The following ATP2B2 variants were observed in gnomAD, a reference collection of about 807,000 sequenced individuals.
ATP2B2 encodes the protein plasma membrane calcium-transporting ATPase 2.
ATP2B2 carries 15 observed loss-of-function variants against 120.0 expected under a neutral mutation model. That is an observed-to-expected ratio of 0.12 (90% confidence interval 0.08 to 0.19). The LOEUF (loss-of-function observed/expected upper bound fraction) is 0.19, where lower values mean the gene tolerates loss of function less well. Ranked by LOEUF, ATP2B2 falls within the 10% of genes least tolerant of loss-of-function variation. The pLI, the probability that ATP2B2 is intolerant of heterozygous loss-of-function variation, is 1.00. For missense variants in ATP2B2, 1,045 were observed against 1,719.8 expected (o/e 0.61, Z 6.94); for synonymous variants, 694 against 700.3 (o/e 0.99, Z 0.14).
At chr3:10,466,329 CGT>C (rs1432459182) in intron 1 of ATP2B2, among the ~76,000 whole-genome samples, 1 of 152,198 alleles carries the variant, frequency 6.6e-6, no homozygotes, top group African/African-American at 2.4e-5. Flanking sequence ...TGCATAGATG[CGT>C]GTCTGTGCAG....
chr3:10,499,373 G>A (rs541400402), intron 1 of ATP2B2, among the ~76,000 whole-genome samples: 3 of 152,292 alleles, frequency 2.0e-5, no homozygotes, highest in East Asian at 3.9e-4. Flanking sequence ...CTTGGTTTAC[G>A]GAGGAGCAAA....
intron 14 of ATP2B2, among the ~76,000 whole-genome samples, chr3:10,355,083 A>G (rs2060677083): frequency 1.3e-5 from 2 of 151,230 alleles, no homozygotes; most frequent in Non-Finnish European, 2.9e-5. Flanking sequence ...TACCTAAAAA[A>G]CAAACAAATA....
chr3:10,350,683 G>A, intron 14 of ATP2B2, 106 bp from the exon 15 acceptor site: 1 of 1,246,672 alleles, frequency 8.0e-7, no homozygotes, highest in Non-Finnish European at 1.1e-6. Context: ...TCTACTGAAA[G>A]GGGACTAGAT....
At chr3:10,407,674 T>C (rs1232329869) in intron 3 of ATP2B2, among the ~76,000 whole-genome samples, 1 of 152,216 alleles carries the variant, frequency 6.6e-6, no homozygotes, top group East Asian at 1.9e-4. Flanking sequence ...CCTGTGGCTC[T>C]AATATGCTCA....
rs76854217 is a variant in ATP2B2, at chr3:10,565,481, C to T, written c.-414-31348G>A. Reference sequence around the variant, plus strand: ...TGCCTCCTTGGCCATATCTCTGGCTCGAGTCCTCATTGTCTGTTGCCTAGA... The same window carrying T: ...TGCCTCCTTGGCCATATCTCTGGCTTGAGTCCTCATTGTCTGTTGCCTAGA... On this transcript the variant is annotated intron_variant, in intron 2 of 21. Coordinates refer to the ATP2B2 transcript ENST00000646379. Among the ~76,000 whole-genome samples, 1,166 of 152,238 alleles carry T rather than the reference C, an allele frequency of 7.7e-3. 45 individuals carry two copies. The East Asian group carries it at 0.11, about 15-fold the overall frequency.
chr3:10,540,790 G>A (rs1345687936), intron 2 of ATP2B2, among the ~76,000 whole-genome samples: 1 of 151,236 alleles, frequency 6.6e-6, no homozygotes, highest in Non-Finnish European at 1.5e-5. Flanking sequence ...AATGGGTGCA[G>A]CACAGCAACA....
At chr3:10,383,244 G>A (rs553035088) in intron 8 of ATP2B2, among the ~76,000 whole-genome samples, 2 of 152,188 alleles carry the variant, frequency 1.3e-5, no homozygotes, top group African/African-American at 4.8e-5. Flanking sequence ...ATGGCTTAGA[G>A]CATTATTTCC....
intron 2 of ATP2B2, among the ~76,000 whole-genome samples, chr3:10,444,454 C>T (rs2063769376): frequency 1.3e-5 from 2 of 152,320 alleles, no homozygotes; most frequent in South Asian, 4.1e-4. Context: ...AAGTACCCGC[C>T]ATCTCCCATG....
chr3:10,559,565 T>G (rs754501241), intron 2 of ATP2B2, among the ~76,000 whole-genome samples: 9 of 151,022 alleles, frequency 6.0e-5, no homozygotes, highest in South Asian at 2.1e-4. Flanking sequence ...GACAGGGAAG[T>G]CTTTAGGCCT....
rs1023768535 is a variant in ATP2B2, at chr3:10,601,195, A to G, written c.-415+18722T>C. Among the ~76,000 whole-genome samples, 7 of 152,146 alleles carry G rather than the reference A, an allele frequency of 4.6e-5. No individual in the cohort carries two copies. The East Asian group carries it at 1.3e-3, about 29-fold the overall frequency. On this transcript the variant is annotated intron_variant, in intron 2 of 21. Coordinates refer to the ATP2B2 transcript ENST00000646379. ...AGGAGAGTGGCCACTCTCTAGGCAA[A>G]AAAGAAGAAGGAGTCCCCAGAGGCC...
chr3:10,420,152 G>T (rs944480752), intron 2 of ATP2B2, among the ~76,000 whole-genome samples: 2 of 152,198 alleles, frequency 1.3e-5, no homozygotes, highest in Non-Finnish European at 2.9e-5. Context: ...GGCTGAGTGG[G>T]GGAGGGCACC....
chr3:10,406,669 G>A (rs1243194881), intron 3 of ATP2B2, among the ~76,000 whole-genome samples: 3 of 152,212 alleles, frequency 2.0e-5, no homozygotes, highest in African/African-American at 7.2e-5. Context: ...AATTGCCTTA[G>A]AACATGACAT....
chr3:10,701,130 G>A (rs2071811164), intron 1 of ATP2B2, among the ~76,000 whole-genome samples: 1 of 152,170 alleles, frequency 6.6e-6, no homozygotes, highest in Non-Finnish European at 1.5e-5. Flanking sequence ...GGGGGAGGAG[G>A]AAGAGGACAA....
At chr3:10,674,705 C>T (rs2071200489) in intron 1 of ATP2B2, among the ~76,000 whole-genome samples, 1 of 152,128 alleles carries the variant, frequency 6.6e-6, no homozygotes, top group African/African-American at 2.4e-5. Flanking sequence ...TCATTTGTGC[C>T]CTCTGTCTCT....
At chr3:10,472,845 C>T (rs976090447) in intron 1 of ATP2B2, among the ~76,000 whole-genome samples, 3 of 152,312 alleles carry the variant, frequency 2.0e-5, no homozygotes, top group East Asian at 1.9e-4. Context: ...GTAGCAGTGT[C>T]GGCTAATGTT....
intron 1 of ATP2B2, among the ~76,000 whole-genome samples, chr3:10,491,263 T>A (rs1383292393): frequency 1.3e-5 from 2 of 150,716 alleles, no homozygotes; most frequent in Non-Finnish European, 2.9e-5. Flanking sequence ...TTCACTCTTG[T>A]CACCCAGGCT....
chr3:10,569,719 G>A (rs892266601), intron 2 of ATP2B2, among the ~76,000 whole-genome samples: 2 of 152,066 alleles, frequency 1.3e-5, no homozygotes, highest in African/African-American at 4.8e-5. Context: ...ACACTCTGGG[G>A]TGAAAGTGAA....
intron 1 of ATP2B2, among the ~76,000 whole-genome samples, chr3:10,474,675 AC>A (rs2065138927): frequency 6.6e-6 from 1 of 152,134 alleles, no homozygotes; most frequent in Non-Finnish European, 1.5e-5. Context: ...GTTCCTTGTA[AC>A]CTTCCCTCCT....
In ATP2B2 at chr3:10,465,954, C is replaced by T. The variant is rs375913771; in HGVS notation, c.-319-16092G>A. 2.0e-5 allele frequency among the ~76,000 whole-genome samples: 3 copies of T among 152,286 alleles called. No homozygotes were observed. In the East Asian group the frequency reaches 5.8e-4, roughly 29 times the overall value. On this transcript the variant is annotated intron_variant, in intron 1 of 22. Coordinates refer to ENST00000360273, the MANE Select transcript of ATP2B2 (RefSeq NM_001001331.4). ...AGAAGAGACACTTCTAGAACAGAGGCCACCAAAAGGGAACAGTGTTTACAA... is the reference window on the plus strand; with the variant it reads ...AGAAGAGACACTTCTAGAACAGAGGTCACCAAAAGGGAACAGTGTTTACAA...
Sources: allele counts gnomAD v4.1 joint callset (sites outside exome capture counted in the v4.1 genomes callset), GRCh38; gene constraint gnomAD v4.1.1; transcripts MANE v1.5; gene names NCBI Gene and HGNC (gene_info 2026-07-23, HGNC 2026-07-21).